Variants in CSMD1 observed in about 807,000 individuals in gnomAD.
The protein encoded by CSMD1 is CUB and sushi domain-containing protein 1.
Under a neutral mutation model 417.5 loss-of-function variants are expected in CSMD1, and 213 were observed. That is an observed-to-expected ratio of 0.51 (90% confidence interval 0.46 to 0.57). CSMD1 has a LOEUF of 0.57. Among genes scored for constraint, CSMD1 ranks in the 20% least tolerant of loss-of-function variants. The probability of loss-of-function intolerance (pLI) is 0.00; values close to 1 mark genes in which losing one functional copy is unlikely to be tolerated. For missense variants in CSMD1, 6,923 were observed against 4,529.7 expected (o/e 1.53, Z -15.17); for synonymous variants, 2,862 against 1,736.8 (o/e 1.65, Z -16.11).
At chr8:3,405,084 T>C (rs1161524) in intron 15 of CSMD1, among the ~76,000 whole-genome samples, 142,665 of 152,224 alleles carry the variant, frequency 0.94, 66,876 homozygotes, top group East Asian at 0.96. Context: ...TAATCAATAG[T>C]ATGATTAGGA....
chr8:4,968,723 G>A lies in CSMD1; in HGVS notation c.85+25609C>T, dbSNP rs556239783. ...CCTCTACCAGTGGCAGCAGATAAACGTTTGCTGGTTTAGTTAACAGACCTT... is the reference window on the plus strand; with the variant it reads ...CCTCTACCAGTGGCAGCAGATAAACATTTGCTGGTTTAGTTAACAGACCTT... On this transcript the variant is annotated intron_variant, in intron 1 of 69. Transcript: ENST00000635120. Among the ~76,000 whole-genome samples, 10 of 152,090 alleles carry A rather than the reference G, an allele frequency of 6.6e-5. No homozygotes were observed. The South Asian group carries it at 1.7e-3, about 25-fold the overall frequency.
At chr8:3,028,811 C>G (rs778030388) in intron 51 of CSMD1, among the ~76,000 whole-genome samples, 4 of 152,148 alleles carry the variant, frequency 2.6e-5, no homozygotes, top group Non-Finnish European at 5.9e-5. Flanking sequence ...TCAGAGTGCT[C>G]TGAACAATAC....
At chr8:4,857,138 A>T (rs1422343918) in intron 1 of CSMD1, among the ~76,000 whole-genome samples, 19 of 151,312 alleles carry the variant, frequency 1.3e-4, no homozygotes. Flanking sequence ...AACTACATGG[A>T]AACTGAACAA....
At chr8:3,772,797 C>A (rs1584975547) in intron 5 of CSMD1, among the ~76,000 whole-genome samples, 1 of 151,768 alleles carries the variant, frequency 6.6e-6, no homozygotes, top group Middle Eastern at 3.4e-3. Context: ...CCATGACAGC[C>A]AACTGGAAGT....
chr8:4,956,225 T>C (rs945463803), intron 1 of CSMD1, among the ~76,000 whole-genome samples: 7 of 149,068 alleles, frequency 4.7e-5, no homozygotes, highest in Non-Finnish European at 1.0e-4. Context: ...GTTCAACACC[T>C]TTACAGCCCT....
intron 10 of CSMD1, among the ~76,000 whole-genome samples, chr8:3,543,601 T>C (rs145273540): frequency 2.0e-5 from 3 of 151,078 alleles, no homozygotes; most frequent in Non-Finnish European, 2.9e-5. Flanking sequence ...AAAAGAAGGA[T>C]TAAATATAAG....
chr8:4,453,556 G>T (rs2959178), intron 2 of CSMD1, among the ~76,000 whole-genome samples: 1 of 152,144 alleles, frequency 6.6e-6, no homozygotes, highest in Non-Finnish European at 1.5e-5. Context: ...AATAACTTGG[G>T]CCACATGACT....
At chr8:3,641,799 A>G (rs971486519) in intron 7 of CSMD1, among the ~76,000 whole-genome samples, 3 of 152,190 alleles carry the variant, frequency 2.0e-5, no homozygotes, top group Non-Finnish European at 4.4e-5. Flanking sequence ...TCAAAAAACC[A>G]TCTGTTGTGA....
At chr8:4,450,634 GA>G (rs201442221) in intron 2 of CSMD1, among the ~76,000 whole-genome samples, 15 of 151,426 alleles carry the variant, frequency 9.9e-5, no homozygotes, top group African/African-American at 3.1e-4. Context: ...AGTCTCCAAA[GA>G]AAAAAAAATT....
intron 2 of CSMD1, among the ~76,000 whole-genome samples, chr8:4,482,909 A>T (rs1447254511): frequency 6.6e-6 from 1 of 152,196 alleles, no homozygotes. Context: ...AAATTTTCCA[A>T]ATATATTAAT....
chr8:3,275,570 C>T (rs1802219972), intron 26 of CSMD1, among the ~76,000 whole-genome samples: 1 of 152,228 alleles, frequency 6.6e-6, no homozygotes. Flanking sequence ...GTACGACAAT[C>T]AGACGTAGAT....
At chr8:4,192,472 C>A (rs57080574) in intron 3 of CSMD1, among the ~76,000 whole-genome samples, 1 of 152,090 alleles carries the variant, frequency 6.6e-6, no homozygotes, top group Non-Finnish European at 1.5e-5. Flanking sequence ...CTCGGTAGCA[C>A]TGATGTTGAC....
At chr8:3,918,660 G>C (rs184838802) in intron 5 of CSMD1, among the ~76,000 whole-genome samples, 5 of 152,226 alleles carry the variant, frequency 3.3e-5, no homozygotes, top group Admixed American at 2.0e-4. Context: ...TAAAGAAGCT[G>C]AGGTATATGT....
intron 49 of CSMD1, among the ~76,000 whole-genome samples, chr8:3,072,667 G>C (rs1813399118): frequency 6.6e-6 from 1 of 152,128 alleles, no homozygotes; most frequent in South Asian, 2.1e-4. Context: ...ATTTTAATTA[G>C]CACTAGGGAA....
rs1297877298 is a variant in CSMD1, at chr8:2,964,886, G to C, written c.9280+889C>G. Among the ~76,000 whole-genome samples the C allele has an allele frequency of 2.0e-5, 3 of 152,160 alleles. No homozygotes were observed. The East Asian group carries it at 5.8e-4, about 29-fold the overall frequency. ...TCTGCCACATTTAACCATGTGTCTTGCAGAACTCACCGAAGATGAAACCTT... is the reference window on the plus strand; with the variant it reads ...TCTGCCACATTTAACCATGTGTCTTCCAGAACTCACCGAAGATGAAACCTT... On this transcript the variant is annotated intron_variant, in intron 59 of 69. Coordinates refer to ENST00000635120, the MANE Select transcript of CSMD1 (RefSeq NM_033225.6).
intron 2 of CSMD1, among the ~76,000 whole-genome samples, chr8:4,582,076 T>A (rs1338863884): frequency 6.6e-6 from 1 of 152,118 alleles, no homozygotes; most frequent in East Asian, 1.9e-4. Flanking sequence ...AGCCTCTTTT[T>A]TTTTTTTGGT....
At chr8:4,186,797 G>C (rs6985284) in intron 3 of CSMD1, among the ~76,000 whole-genome samples, 125,506 of 150,358 alleles carry the variant, frequency 0.83, 52,587 homozygotes, top group South Asian at 0.94. Context: ...GACCAGCCTG[G>C]TCTACATGGT....
At chr8:3,754,455 T>TATTA (rs1456818950) in intron 5 of CSMD1, among the ~76,000 whole-genome samples, 1 of 151,416 alleles carries the variant, frequency 6.6e-6, no homozygotes, top group African/African-American at 2.4e-5. Flanking sequence ...TTTATTTATT[T>TATTA]ATTTATTTAT....
chr8:3,284,293 C>T lies in CSMD1; in HGVS notation c.4004G>A (p.Trp1335Ter). 6.2e-7 allele frequency: 1 copy of T among 1,613,944 alleles called. No homozygotes were observed. The highest frequency in any genetic ancestry group is 8.5e-7 in the Non-Finnish European group (1 of 1,179,860). ...TEMAHDILKV[W>*]DGPVDSDILL... Reference sequence around the variant, plus strand: ...GATGTCACTGTCCACCGGCCCGTCCCAGACCTTGAGGATGTCGTGAGCCAT... The same window carrying T: ...GATGTCACTGTCCACCGGCCCGTCCTAGACCTTGAGGATGTCGTGAGCCAT... Residue 1335 changes from tryptophan to a stop codon, truncating the protein, a stop_gained, in exon 26 of 70, where the codon TGG becomes TAG. Coordinates refer to ENST00000635120, the MANE Select transcript of CSMD1 (RefSeq NM_033225.6). LOFTEE classifies it high-confidence loss of function.
Sources: allele counts gnomAD v4.1 joint callset (sites outside exome capture counted in the v4.1 genomes callset), GRCh38; gene constraint gnomAD v4.1.1; transcripts MANE v1.5; gene names NCBI Gene and HGNC (gene_info 2026-07-23, HGNC 2026-07-21).